The following CPPED1 variants were observed in gnomAD, a reference collection of about 807,000 sequenced individuals.
CPPED1 encodes the protein serine/threonine-protein phosphatase CPPED1.
CPPED1 carries 28 observed loss-of-function variants against 28.0 expected under a neutral mutation model. The observed-to-expected ratio is 1.00, with a 90% CI of 0.74 to 1.37. The LOEUF (loss-of-function observed/expected upper bound fraction) is 1.37, where lower values mean the gene tolerates loss of function less well. Among genes scored for constraint, CPPED1 ranks in the 40% most tolerant of loss-of-function variants. The probability of loss-of-function intolerance (pLI) is 0.00; values close to 1 mark genes in which losing one functional copy is unlikely to be tolerated. For synonymous variants in CPPED1, 198 were observed against 180.2 expected, an observed-to-expected ratio of 1.10 and a Z score of -0.79; for missense variants, 504 against 416.5, an observed-to-expected ratio of 1.21 and a Z score of -1.83.
intron 2 of CPPED1, chr16:12,757,659 T>C (rs2080379685): frequency 7.5e-6 from 1 of 133,770 alleles, no homozygotes; most frequent in Non-Finnish European, 1.6e-5. Context: ...GTATGTGTTG[T>C]GAGCGAGTAA....
rs543393168 is a variant in CPPED1 at position 12,662,383 on chromosome 16, C to T, written c.*2503G>A. On this transcript the variant is annotated 3_prime_UTR_variant, in exon 4 of 4. Transcript: ENST00000381774. Reference sequence around the variant, plus strand: ...AGAAATTAATATGATTCTCTCTTCCCTTTTAAAAAATTAAATTTGTATAAA... The same window carrying T: ...AGAAATTAATATGATTCTCTCTTCCTTTTTAAAAAATTAAATTTGTATAAA... The T allele has an allele frequency of 6.6e-6, 1 of 152,250 alleles. No individual in the cohort carries two copies. The highest frequency in any genetic ancestry group is 1.9e-4 in the East Asian group (1 of 5,188). The allele number at this position is 152,250 out of a possible 1,614,324, so 9.4% of individuals were successfully genotyped here.
intron 3 of CPPED1, among the ~76,000 whole-genome samples, chr16:12,699,958 A>T (rs1170532301): frequency 6.6e-6 from 1 of 152,200 alleles, no homozygotes. Flanking sequence ...CTTTCTGCAT[A>T]ACTGAGTCAT....
In CPPED1 at chr16:12,664,344, C is replaced by G; in HGVS notation, c.*542G>C. On this transcript the variant is annotated 3_prime_UTR_variant, in exon 4 of 4. Transcript: ENST00000381774. The surrounding 1 kb of genome is among the most constrained non-coding windows in gnomAD (Gnocchi z 4.2). The stretch of plus-strand genomic sequence containing the variant: ...AGAATTGAACAGTAAATGGTGCCTA[C>G]TTGGCTCCTTGTCAAAATAAGTCTG... 1 of 988,916 alleles carries G rather than the reference C, an allele frequency of 1.0e-6. No individual in the cohort carries two copies. Among genetic ancestry groups the G allele is most frequent in the Non-Finnish European group, 1.2e-6 (1 of 832,192 alleles). 61.3% of individuals were successfully genotyped at this position (988,916 alleles called of 1,614,324 possible). A position where few individuals can be genotyped will look rare whatever the true frequency, so the allele number is the denominator to read the frequency against.
chr16:12,664,570 C>A lies in CPPED1; in HGVS notation c.*316G>T. The A allele has an allele frequency of 8.6e-7, 1 of 1,156,232 alleles. No individual in the cohort carries two copies. The highest frequency in any genetic ancestry group is 1.1e-6 in the Non-Finnish European group (1 of 938,770). 71.6% of individuals were successfully genotyped at this position (1,156,232 alleles called of 1,614,324 possible). On this transcript the variant is annotated 3_prime_UTR_variant, in exon 4 of 4. Transcript: ENST00000381774. The surrounding 1 kb of genome is among the most constrained non-coding windows in gnomAD (Gnocchi z 4.2). ...AGGCAGACTTTGACCATATGCTAAC[C>A]AGAATACAATCCAATTCAAAAGTGG... is the stretch of plus-strand genomic sequence containing the variant.
chr16:12,734,004 T>C (rs2080212854), intron 2 of CPPED1, among the ~76,000 whole-genome samples: 1 of 151,720 alleles, frequency 6.6e-6, no homozygotes, highest in Non-Finnish European at 1.5e-5. Flanking sequence ...TTGCTTCTAG[T>C]TGGCAATAAT....
intron 1 of CPPED1, among the ~76,000 whole-genome samples, chr16:12,795,369 TC>T (rs1244609310): frequency 6.6e-6 from 1 of 151,954 alleles, no homozygotes; most frequent in African/African-American, 2.4e-5. Flanking sequence ...TTTCAGAGTC[TC>T]GCTCTGTGGC....
At chr16:12,774,276 T>A (rs2080485276) in intron 2 of CPPED1, among the ~76,000 whole-genome samples, 1 of 152,068 alleles carries the variant, frequency 6.6e-6, no homozygotes. Flanking sequence ...TCAACCAGCC[T>A]GGCCAACAAG....
chr16:12,791,309 T>C (rs1013977550), intron 1 of CPPED1, among the ~76,000 whole-genome samples: 1 of 152,098 alleles, frequency 6.6e-6, no homozygotes, highest in Non-Finnish European at 1.5e-5. Context: ...AGTGAGAACA[T>C]GCGGTGTTTG....
chr16:12,795,961 T>C (rs966270303), intron 1 of CPPED1, among the ~76,000 whole-genome samples: 2 of 151,420 alleles, frequency 1.3e-5, no homozygotes, highest in African/African-American at 2.4e-5. Context: ...CATGCACCTG[T>C]AGTCCCAGCT....
At position 12,709,384 on chromosome 16, in the gene CPPED1, C is replaced by T. The variant is rs2080068260; in HGVS notation, c.290-4335G>A. 1.3e-5 allele frequency among the ~76,000 whole-genome samples: 2 copies of T among 152,064 alleles called. No homozygotes were observed. Among genetic ancestry groups the T allele is most frequent in the African/African-American group, 4.8e-5 (2 of 41,402 alleles). ...AGTGGGTGCCAAGAGTACAGGGACC[C>T]CAATGTCAGCACACACCTGACCCCC... On this transcript the variant is annotated intron_variant, in intron 2 of 3. Coordinates refer to ENST00000381774, the MANE Select transcript of CPPED1 (RefSeq NM_018340.3). This position sits in a 1 kb window ranked among gnomAD's most constrained non-coding sequence, Gnocchi z 4.4.
intron 3 of CPPED1, among the ~76,000 whole-genome samples, chr16:12,700,177 C>G (rs1175931594): frequency 6.6e-6 from 1 of 152,252 alleles, no homozygotes; most frequent in Non-Finnish European, 1.5e-5. Flanking sequence ...TCTCATCTCT[C>G]TGGCCTTCTC....
intron 2 of CPPED1, among the ~76,000 whole-genome samples, chr16:12,708,802 G>C (rs1004059896): frequency 1.3e-5 from 2 of 152,204 alleles, no homozygotes; most frequent in South Asian, 4.1e-4. Flanking sequence ...CATTGTGGCT[G>C]GGTGCAGTGG....
intron 1 of CPPED1, among the ~76,000 whole-genome samples, chr16:12,798,647 G>T (rs956367353): frequency 1.1e-4 from 17 of 152,164 alleles, no homozygotes; most frequent in African/African-American, 4.1e-4. Context: ...CATTAGTCCA[G>T]TTCTCTGAAG....
intron 2 of CPPED1, among the ~76,000 whole-genome samples, chr16:12,705,456 C>A (rs1056178764): frequency 5.3e-5 from 8 of 152,116 alleles, no homozygotes; most frequent in Admixed American, 3.9e-4. Flanking sequence ...GAGACCCTGT[C>A]TTCATAAAAA....
At chr16:12,693,511 T>C (rs2079974378) in intron 3 of CPPED1, among the ~76,000 whole-genome samples, 1 of 152,152 alleles carries the variant, frequency 6.6e-6, no homozygotes, top group Non-Finnish European at 1.5e-5. Context: ...ATTTTTTTTT[T>C]ACTTTCAACT....
At chr16:12,788,696 G>A (rs1203549155) in intron 1 of CPPED1, among the ~76,000 whole-genome samples, 2 of 152,190 alleles carry the variant, frequency 1.3e-5, no homozygotes, top group Non-Finnish European at 2.9e-5. Context: ...TGGATGGCCT[G>A]GAGTGGTGAG....
At position 12,691,010 on chromosome 16, in the gene CPPED1, C is replaced by G. The variant is rs147793326; in HGVS notation, c.715+13614G>C. Among the ~76,000 whole-genome samples the G allele has an allele frequency of 3.9e-3, 595 of 152,338 alleles. 3 individuals are homozygous for G. Among genetic ancestry groups the G allele is most frequent in the African/African-American group, 0.014 (577 of 41,580 alleles). On this transcript the variant is annotated intron_variant, in intron 3 of 3. Transcript: ENST00000381774. The stretch of plus-strand genomic sequence containing the variant: ...ATCCCGGCTCCTCTCTACTTGCCAT[C>G]AGCACCCGTGCCCACGGTGCATTCT...
intron 2 of CPPED1, among the ~76,000 whole-genome samples, chr16:12,780,088 C>T (rs1171648549): frequency 6.6e-6 from 1 of 152,118 alleles, no homozygotes; most frequent in Non-Finnish European, 1.5e-5. Context: ...TTCTTTAGGG[C>T]ACGTGGTTGC....
intron 2 of CPPED1, among the ~76,000 whole-genome samples, chr16:12,718,296 T>C (rs908765780): frequency 6.6e-6 from 1 of 152,190 alleles, no homozygotes; most frequent in East Asian, 1.9e-4. Context: ...CCTAGCACTT[T>C]GGCAGGCCAA....
Sources: allele counts gnomAD v4.1 joint callset (sites outside exome capture counted in the v4.1 genomes callset), GRCh38; gene constraint gnomAD v4.1.1; non-coding constraint Gnocchi (gnomAD v3.1); transcripts MANE v1.5; gene names NCBI Gene and HGNC (gene_info 2026-07-23, HGNC 2026-07-21).